RETREG2: variants seen among roughly 807,000 people sequenced by gnomAD.
The protein encoded by RETREG2 is reticulophagy regulator family member 2.
Under a neutral mutation model 51.6 loss-of-function variants are expected in RETREG2, and 21 were observed. The ratio of observed to expected loss-of-function variants is 0.41; its 90% CI spans 0.29 to 0.59. The LOEUF is 0.59. RETREG2 is among the 20% of genes least tolerant of loss of function. The pLI is 0.34. For missense variants in RETREG2, 674 were observed against 646.0 expected (o/e 1.04, Z -0.47); for synonymous variants, 339 against 288.6 (o/e 1.17, Z -1.77).
chr2:219,182,613 C>A lies in RETREG2; in HGVS notation c.1616C>A (p.Ala539Asp). The change falls in exon 9 of 9, where the codon GCC (alanine) becomes GAC (aspartate). Residue 539 changes from alanine to aspartate, a missense_variant. Physicochemically the swap from Ala to Asp is moderately radical, Grantham distance 126 (BLOSUM62 -2). Transcript: ENST00000430297. ...SLVQSDQEAQ[A>D]VAEP is the part of the protein sequence containing the mutation. Reference sequence around the variant, plus strand: ...GTACAGTCAGACCAAGAAGCTCAGGCCGTGGCAGAGCCATGAGCCAGCCGT... The same window carrying A: ...GTACAGTCAGACCAAGAAGCTCAGGACGTGGCAGAGCCATGAGCCAGCCGT... The A allele has an allele frequency of 6.2e-7, 1 of 1,613,978 alleles. No individual in the cohort carries two copies. Among genetic ancestry groups the A allele is most frequent in the Non-Finnish European group, 8.5e-7 (1 of 1,179,890 alleles).
chr2:219,179,494 T>G (rs984465174), intron 2 of RETREG2, among the ~76,000 whole-genome samples: 2 of 152,228 alleles, frequency 1.3e-5, no homozygotes, highest in African/African-American at 4.8e-5. Flanking sequence ...ATTTACTTAG[T>G]AGGTGACAGG....
chr2:219,181,502 C>A lies in RETREG2; in HGVS notation c.879+39C>A, dbSNP rs762147970. The A allele has an allele frequency of 1.1e-5, 18 of 1,609,636 alleles. No individual in the cohort carries two copies. In the South Asian group the frequency reaches 2.0e-4, roughly 18 times the overall value. On this transcript the variant is annotated intron_variant, in intron 7 of 8. Transcript: ENST00000430297. ...AAAGCGGGGGTGTCAAATAGAAAGC[C>A]AGAGGAAAAATCTTTCTGCTTTGGA...
chr2:219,179,404 A>C (rs1950243153), intron 2 of RETREG2, among the ~76,000 whole-genome samples: 1 of 152,240 alleles, frequency 6.6e-6, no homozygotes, highest in Non-Finnish European at 1.5e-5. Flanking sequence ...GAGTTAATAC[A>C]CATGCTATAC....
Position 219,182,588 on chromosome 2 carries a change from G to A in RETREG2, c.1591G>A (p.Val531Ile). 2.5e-6 allele frequency: 4 copies of A among 1,614,164 alleles called. No homozygotes were observed. Among genetic ancestry groups the A allele is most frequent in the Non-Finnish European group, 3.4e-6 (4 of 1,180,024 alleles). ...PPLGPDIHSL[V>I]QSDQEAQAVA... is the part of the protein sequence containing the mutation. The stretch of plus-strand genomic sequence containing the variant: ...CCTGGGGCCCGACATCCATTCTCTG[G>A]TACAGTCAGACCAAGAAGCTCAGGC... The change falls in exon 9 of 9, where the codon GTA becomes ATA. Residue 531 changes from valine (V) to isoleucine (I), a missense_variant. Physicochemically the swap from Val to Ile is conservative, Grantham distance 29. Transcript: ENST00000430297.
chr2:219,181,389 C>G lies in RETREG2; in HGVS notation c.805C>G (p.Pro269Ala), dbSNP rs1416524458. ...TCTAGAGCGTCAGGGGAAGAATGCA[C>G]CCCCAGGAGGTGATGAGCCACTGGC... is the stretch of plus-strand genomic sequence containing the variant. ...DKRKRQGKNAPPGGDEPLAET... is the reference protein window; with the variant it reads ...DKRKRQGKNAAPGGDEPLAET... The change falls in exon 7 of 9, where the codon CCC (proline) becomes GCC (alanine). Residue 269 changes from proline to alanine, a missense_variant. Physicochemically the swap from Pro to Ala is conservative, Grantham distance 27 (BLOSUM62 -1). Transcript: ENST00000430297. 6 of 1,614,044 alleles carry G rather than the reference C, an allele frequency of 3.7e-6. No individual in the cohort carries two copies. The highest frequency in any genetic ancestry group is 5.1e-6 in the Non-Finnish European group (6 of 1,179,998).
chr2:219,182,630 GC>G lies in RETREG2; in HGVS notation c.*3del. 6.2e-7 allele frequency: 1 copy of G among 1,612,846 alleles called. No homozygotes were observed. Among genetic ancestry groups the G allele is most frequent in the Non-Finnish European group, 8.5e-7 (1 of 1,179,116 alleles). ...AGCTCAGGCCGTGGCAGAGCCATGAGCCAGCCGTTGAGGAAGGAGCTGCAGG... is the reference window on the plus strand; with the variant it reads ...AGCTCAGGCCGTGGCAGAGCCATGAGCAGCCGTTGAGGAAGGAGCTGCAGG... On this transcript the variant is annotated 3_prime_UTR_variant, in exon 9 of 9. Transcript: ENST00000430297.
chr2:219,182,687 C>G lies in RETREG2; in HGVS notation c.*58C>G, dbSNP rs1051696226. Reference sequence around the variant, plus strand: ...TAGGGCTTCCTGGCTAGGAGTGTTGCTGTTTCCTCCTTTGCCTACCACTCT... The same window carrying G: ...TAGGGCTTCCTGGCTAGGAGTGTTGGTGTTTCCTCCTTTGCCTACCACTCT... On this transcript the variant is annotated 3_prime_UTR_variant, in exon 9 of 9. Transcript: ENST00000430297. 3 of 1,577,138 alleles carry G rather than the reference C, an allele frequency of 1.9e-6. No individual in the cohort carries two copies. Among genetic ancestry groups the G allele is most frequent in the Non-Finnish European group, 2.6e-6 (3 of 1,159,374 alleles).
rs1293924231 is a variant in RETREG2 at position 219,181,145 on chromosome 2, C to G, written c.724C>G (p.Gln242Glu). 1 of 1,614,158 alleles carries G rather than the reference C, an allele frequency of 6.2e-7. No homozygotes were observed. Among genetic ancestry groups the G allele is most frequent in the East Asian group, 2.2e-5 (1 of 44,888 alleles). The stretch of plus-strand genomic sequence containing the variant: ...CACTCGCCTGGAGCCCCTGCTCATG[C>G]AGCTGGACTACAGCATGAAGGCAGA... ...MYTRLEPLLM[Q>E]LDYSMKAEAN... Residue 242 changes from glutamine (Q) to glutamate (E), a missense_variant, in exon 6 of 9, where the codon CAG (glutamine) becomes GAG (glutamate). Coordinates refer to ENST00000430297, the MANE Select transcript of RETREG2 (RefSeq NM_024293.6).
Position 219,183,387 on chromosome 2 carries a change from C to G in RETREG2, c.*758C>G, listed in dbSNP as rs1950310557. The G allele has an allele frequency of 6.6e-6, 1 of 152,294 alleles. No individual in the cohort carries two copies. The highest frequency in any genetic ancestry group is 1.5e-5 in the Non-Finnish European group (1 of 68,098). 9.4% of individuals were successfully genotyped at this position (152,294 alleles called of 1,614,324 possible). ...TGAGATTAGGAGCTTCCTTACTGCT[C>G]CTCTGGGTGATCCAAGTGTAGTGGG... is the stretch of plus-strand genomic sequence containing the variant. On this transcript the variant is annotated 3_prime_UTR_variant, in exon 9 of 9. Transcript: ENST00000430297.
Position 219,183,656 on chromosome 2 carries a change from C to T in RETREG2, c.*1027C>T, listed in dbSNP as rs574377644. 1 of 152,164 alleles carries T rather than the reference C, an allele frequency of 6.6e-6. No homozygotes were observed. The highest frequency in any genetic ancestry group is 1.5e-5 in the Non-Finnish European group (1 of 68,014). 9.4% of individuals were successfully genotyped at this position (152,164 alleles called of 1,614,324 possible). A position where few individuals can be genotyped will look rare whatever the true frequency, so the allele number is the denominator to read the frequency against. On this transcript the variant is annotated 3_prime_UTR_variant, in exon 9 of 9. Coordinates refer to ENST00000430297, the MANE Select transcript of RETREG2 (RefSeq NM_024293.6). ...CTTGACAACCCTAGCTTCTCCTTAG[C>T]CATCTTCCTTGACAGTGTGATCTGT... is the stretch of plus-strand genomic sequence containing the variant.
At chr2:219,180,982 C>G in intron 5 of RETREG2, 80 bp from the exon 6 acceptor site, 1 of 1,580,890 alleles carries the variant, frequency 6.3e-7, no homozygotes, top group Non-Finnish European at 8.6e-7. Context: ...ACCTTCAGCA[C>G]TTCAGTTTAG....
chr2:219,180,580 C>T lies in RETREG2; in HGVS notation c.556-90C>T, dbSNP rs1574783577. ...CCCCATTCCTTGAGTACATACCCAT[C>T]CTTCTACCAGCTGAGCAGTAGTTTC... On this transcript the variant is annotated intron_variant, in intron 4 of 8. Transcript: ENST00000430297. The T allele has an allele frequency of 3.1e-6, 5 of 1,601,774 alleles. No individual in the cohort carries two copies. The African/African-American group carries it at 4.0e-5, about 13-fold the overall frequency.
chr2:219,182,483 G>T lies in RETREG2; in HGVS notation c.1486G>T (p.Asp496Tyr), dbSNP rs1413945116. 1.2e-6 allele frequency: 2 copies of T among 1,614,028 alleles called. No individual in the cohort carries two copies. ...ALTTEDFELLDQGELEQLNAE... is the reference protein window; with the variant it reads ...ALTTEDFELLYQGELEQLNAE... The stretch of plus-strand genomic sequence containing the variant: ...CACCACTGAGGACTTTGAGTTGCTG[G>T]ATCAGGGGGAGCTGGAGCAGCTGAA... The change falls in exon 9 of 9, where the codon GAT becomes TAT. Residue 496 changes from aspartate to tyrosine, a missense_variant. Coordinates refer to ENST00000430297, the MANE Select transcript of RETREG2 (RefSeq NM_024293.6).
At chr2:219,181,885 A>G (rs1452722097) in intron 8 of RETREG2, 110 bp downstream of exon 8, 5 of 1,555,270 alleles carry the variant, frequency 3.2e-6, no homozygotes, top group Admixed American at 3.7e-5. Context: ...CTCAGCTCCT[A>G]AAAGACCTTA....
intron 1 of RETREG2, 115 bp from the exon 2 acceptor site, chr2:219,178,807 G>A: frequency 1.8e-6 from 2 of 1,107,144 alleles, no homozygotes; most frequent in South Asian, 1.5e-5. Flanking sequence ...GTCGTGAGTC[G>A]CGAGTTAGGC....
Position 219,183,705 on chromosome 2 carries a change from ATAAAG to A in RETREG2, c.*1079_*1083del, listed in dbSNP as rs1262068936. The stretch of plus-strand genomic sequence containing the variant: ...GTTTAGTGAGATTTAGCATGTGTGA[ATAAAG>A]TATATGCAGGAGGAAATTGCTTTGT... On this transcript the variant is annotated 3_prime_UTR_variant, in exon 9 of 9. Coordinates refer to ENST00000430297, the MANE Select transcript of RETREG2 (RefSeq NM_024293.6). 6.6e-6 allele frequency: 1 copy of A among 152,260 alleles called. No homozygotes were observed. Among genetic ancestry groups the A allele is most frequent in the Non-Finnish European group, 1.5e-5 (1 of 68,040 alleles). 9.4% of individuals were successfully genotyped at this position (152,260 alleles called of 1,614,324 possible).
In RETREG2 at chr2:219,179,012, T is replaced by G. The variant is rs1194941975; in HGVS notation, c.372T>G (p.Phe124Leu). 5 of 1,612,006 alleles carry G rather than the reference T, an allele frequency of 3.1e-6. No homozygotes were observed. In the East Asian group the frequency reaches 1.1e-4, roughly 36 times the overall value. Residue 124 changes from phenylalanine to leucine, a missense_variant, in exon 2 of 9, where the codon TTT (phenylalanine) becomes TTG (leucine). Transcript: ENST00000430297. ...TGCTGGATCTCTGGCAGCCTCGCTT[T>G]CTCCCTGACGTTTCAGGTGAGTGTT... The part of the protein sequence containing the change: ...YFLLDLWQPR[F>L]LPDVSASSPE...
rs139034243 is a variant in RETREG2 at position 219,182,227 on chromosome 2, G to A, written c.1230G>A (p.Thr410=). 2.6e-5 allele frequency: 42 copies of A among 1,613,900 alleles called. No individual in the cohort carries two copies. The African/African-American group carries it at 4.4e-4, about 17-fold the overall frequency. The part of the protein sequence containing the change: ...RLSSPLHFVN[T]HFNGAGSPPD... The stretch of plus-strand genomic sequence containing the variant: ...CATCCCCCCTCCACTTTGTGAACAC[G>A]CACTTCAATGGGGCAGGGTCCCCCC... The change falls in exon 9 of 9, where the codon ACG becomes ACA. Residue 410 remains threonine, a synonymous_variant. Transcript: ENST00000430297.
Position 219,178,306 on chromosome 2 carries a change from C to T in RETREG2, c.-47C>T, listed in dbSNP as rs992195206. On this transcript the variant is annotated 5_prime_UTR_variant, in exon 1 of 9. Coordinates refer to ENST00000430297, the MANE Select transcript of RETREG2 (RefSeq NM_024293.6). Reference sequence around the variant, plus strand: ...CCTGACGCGCCCCCGGCGGCGGCCGCGCAGCCCTGGCTCCTCGCGGGCTCG... The same window carrying T: ...CCTGACGCGCCCCCGGCGGCGGCCGTGCAGCCCTGGCTCCTCGCGGGCTCG... 1.1e-5 allele frequency: 4 copies of T among 380,480 alleles called. No individual in the cohort carries two copies. The highest frequency in any genetic ancestry group is 8.4e-5 in the African/African-American group (4 of 47,708). The allele number at this position is 380,480 out of a possible 1,614,324, so 23.6% of individuals were successfully genotyped here. A position where few individuals can be genotyped will look rare whatever the true frequency, so the allele number is the denominator to read the frequency against.
Sources: allele counts gnomAD v4.1 joint callset (sites outside exome capture counted in the v4.1 genomes callset), GRCh38; gene constraint gnomAD v4.1.1; transcripts MANE v1.5; gene names NCBI Gene and HGNC (gene_info 2026-07-23, HGNC 2026-07-21).